Variants in NRP1 observed in about 807,000 individuals in gnomAD.
NRP1 encodes neuropilin 1.
Under a neutral mutation model 106.7 loss-of-function variants are expected in NRP1, and 35 were observed. The observed-to-expected ratio is 0.33, with a 90% CI of 0.25 to 0.43. NRP1 has a LOEUF of 0.43. Ranked by LOEUF, NRP1 falls within the 20% of genes least tolerant of loss-of-function variation. The probability of loss-of-function intolerance (pLI) is 1.00; values close to 1 mark genes in which losing one functional copy is unlikely to be tolerated. For missense variants in NRP1, 1,024 were observed against 1,170.4 expected, an observed-to-expected ratio of 0.87 and a Z score of 1.83; for synonymous variants, 437 against 417.9, an observed-to-expected ratio of 1.05 and a Z score of -0.56.
At chr10:33,212,101 G>A (rs1838349812) in intron 9 of NRP1, 1 of 152,112 alleles carries the variant, frequency 6.6e-6, no homozygotes, top group South Asian at 2.1e-4. Flanking sequence ...TTGATTTGTT[G>A]GTTGAAAAAA....
At chr10:33,297,575 T>C (rs1226408328) in intron 2 of NRP1, among the ~76,000 whole-genome samples, 2 of 151,488 alleles carry the variant, frequency 1.3e-5, no homozygotes, top group African/African-American at 4.9e-5. Context: ...AGTCCCAGTC[T>C]ACTTGGAAGG....
rs1448117562 is a variant in NRP1 at position 33,228,837 on chromosome 10, T to G, written c.982-2548A>C. ...AAAAGGAACAAGAATTTAATAGAAT[T>G]TAATATTTTAGAATACTAACAATAG... On this transcript the variant is annotated intron_variant, in intron 6 of 16. Transcript: ENST00000374867. 3.3e-5 allele frequency among the ~76,000 whole-genome samples: 5 copies of G among 152,216 alleles called. No homozygotes were observed. The East Asian group carries it at 9.6e-4, about 29-fold the overall frequency.
Position 33,254,132 on chromosome 10 carries a change from C to A in NRP1, c.877G>T (p.Ala293Ser). The change falls in exon 6 of 17, where the codon GCT (alanine) becomes TCT (serine). Residue 293 changes from alanine to serine, a missense_variant. Transcript: ENST00000374867. Reference protein sequence around the residue: ...SGEIHSDQITASSQYSTNWSA... With the variant: ...SGEIHSDQITSSSQYSTNWSA... Reference sequence around the variant, plus strand: ...CAGTTGGTGCTATACTGGGAAGAAGCTGTGATCTGGTCAGAATGAATTTCT... The same window carrying A: ...CAGTTGGTGCTATACTGGGAAGAAGATGTGATCTGGTCAGAATGAATTTCT... 6.2e-7 allele frequency: 1 copy of A among 1,614,008 alleles called. No homozygotes were observed. Among genetic ancestry groups the A allele is most frequent in the Non-Finnish European group, 8.5e-7 (1 of 1,179,974 alleles).
intron 2 of NRP1, among the ~76,000 whole-genome samples, chr10:33,298,153 TA>T (rs1588948030): frequency 1.3e-5 from 2 of 152,142 alleles, no homozygotes; most frequent in East Asian, 1.9e-4. Flanking sequence ...CAAGAAAGCA[TA>T]TATTTTCAAC....
At chr10:33,244,698 T>C (rs1002013189) in intron 6 of NRP1, among the ~76,000 whole-genome samples, 3 of 152,138 alleles carry the variant, frequency 2.0e-5, no homozygotes, top group African/African-American at 4.8e-5. Flanking sequence ...ATAGACAGCC[T>C]TTTCAACCAC....
chr10:33,238,800 T>C (rs1840776782), intron 6 of NRP1, among the ~76,000 whole-genome samples: 2 of 152,216 alleles, frequency 1.3e-5, no homozygotes, highest in South Asian at 4.1e-4. Flanking sequence ...TCATTCTGCA[T>C]GGCTACTATG....
chr10:33,309,651 A>C (rs977396303), intron 2 of NRP1, among the ~76,000 whole-genome samples: 8 of 152,216 alleles, frequency 5.3e-5, no homozygotes, highest in African/African-American at 1.9e-4. Context: ...GTAGCAAGAC[A>C]CTGTTGTAAC....
At chr10:33,272,827 G>A (rs1194243001) in intron 2 of NRP1, among the ~76,000 whole-genome samples, 2 of 152,040 alleles carry the variant, frequency 1.3e-5, no homozygotes, top group Admixed American at 6.5e-5. Flanking sequence ...ATCCTGACAT[G>A]GTCTGAATAC....
chr10:33,256,592 G>A, intron 4 of NRP1, 121 bp from the exon 5 acceptor site: 6 of 1,054,542 alleles, frequency 5.7e-6, no homozygotes, highest in Non-Finnish European at 8.2e-6. Context: ...CCCAAAGCAA[G>A]GCTTCCCTAA....
chr10:33,270,236 T>C (rs1334462125), intron 3 of NRP1, among the ~76,000 whole-genome samples: 1 of 152,202 alleles, frequency 6.6e-6, no homozygotes, highest in Non-Finnish European at 1.5e-5. Context: ...TACATTTTTA[T>C]AATGAGGATA....
chr10:33,255,465 T>C (rs1842134265), intron 5 of NRP1, among the ~76,000 whole-genome samples: 1 of 152,156 alleles, frequency 6.6e-6, no homozygotes, highest in Non-Finnish European at 1.5e-5. Context: ...TTTTTTGTTG[T>C]TGTTCTTGAG....
chr10:33,204,553 T>C, intron 10 of NRP1, among the ~76,000 whole-genome samples: 1 of 152,218 alleles, frequency 6.6e-6, no homozygotes, highest in Non-Finnish European at 1.5e-5. Flanking sequence ...AAAACTCTAT[T>C]CATTTTGCTG....
chr10:33,245,822 A>T (rs1218797585), intron 6 of NRP1, among the ~76,000 whole-genome samples: 1 of 152,216 alleles, frequency 6.6e-6, no homozygotes, highest in Non-Finnish European at 1.5e-5. Context: ...GACCATAACT[A>T]TGAGTGTTTG....
intron 6 of NRP1, among the ~76,000 whole-genome samples, chr10:33,235,496 G>A (rs1448602045): frequency 2.0e-5 from 3 of 152,244 alleles, no homozygotes; most frequent in South Asian, 2.1e-4. Context: ...ACCAGAAAAC[G>A]CTCAGCTTAT....
At chr10:33,264,008 G>A (rs1842756824) in intron 3 of NRP1, 135 bp from the exon 4 acceptor site, 1 of 627,642 alleles carries the variant, frequency 1.6e-6, no homozygotes, top group African/African-American at 1.8e-5. Context: ...TCATGTATTA[G>A]TCAGCCTTTT....
intron 16 of NRP1, among the ~76,000 whole-genome samples, chr10:33,181,773 C>T (rs1219518997): frequency 1.3e-5 from 2 of 152,204 alleles, no homozygotes; most frequent in Non-Finnish European, 2.9e-5. Flanking sequence ...GGGACAAATA[C>T]AACCCCTAGA....
Position 33,256,483 on chromosome 10 carries a change from G to T in NRP1, c.659-12C>A. 6.2e-7 allele frequency: 1 copy of T among 1,613,308 alleles called. No individual in the cohort carries two copies. Among genetic ancestry groups the T allele is most frequent in the Non-Finnish European group, 8.5e-7 (1 of 1,179,320 alleles). On this transcript the variant is annotated splice_polypyrimidine_tract_variant and intron_variant, in intron 4 of 16. Coordinates refer to ENST00000374867, the MANE Select transcript of NRP1 (RefSeq NM_003873.7). ...AATGTGAGGGCCAACTGGAAAGGGA[G>T]GAATACAGACGATGTCAAAATGTCT... is the stretch of plus-strand genomic sequence containing the variant.
Position 33,330,820 on chromosome 10 carries a change from G to A in NRP1, c.136C>T (p.His46Tyr). 6.2e-7 allele frequency: 1 copy of A among 1,613,650 alleles called. No homozygotes were observed. ...CATTTTTCACTTGGGTGATAAGAAT[G>A]AGGATAACCAGGAGATGTAAGGTAC... ...PGYLTSPGYP[H>Y]SYHPSEKCEW... Residue 46 changes from histidine (H) to tyrosine (Y), a missense_variant, in exon 2 of 17, where the codon CAT (histidine) becomes TAT (tyrosine). Around this residue, in one of 5 missense-constraint regions of NRP1, gnomAD observed 279 missense variants for 327.4 expected, o/e 0.85. Transcript: ENST00000374867.
intron 2 of NRP1, among the ~76,000 whole-genome samples, chr10:33,289,596 A>G (rs1373095649): frequency 6.6e-6 from 1 of 152,186 alleles, no homozygotes; most frequent in Non-Finnish European, 1.5e-5. Context: ...GCAATTCATT[A>G]TCTTTTAAAG....
Sources: gnomAD v4.1 joint callset for allele counts (sites outside exome capture counted in the v4.1 genomes callset) on GRCh38, gnomAD v4.1.1 for gene constraint, gnomAD v4.1.1 regional missense constraint, MANE v1.5 for transcripts, NCBI Gene and HGNC (gene_info 2026-07-23, HGNC 2026-07-21) for gene names.